The following EML6 variants were observed in gnomAD, a reference collection of about 807,000 sequenced individuals.
The protein encoded by EML6 is EMAP like 6, also known as echinoderm microtubule-associated protein-like 6.
Under a neutral mutation model 240.1 loss-of-function variants are expected in EML6, and 154 were observed. The observed-to-expected ratio is 0.64, with a 90% CI of 0.56 to 0.73. The LOEUF is 0.73. EML6 is among the 30% of genes least tolerant of loss of function. The probability of loss-of-function intolerance (pLI) is 0.00; values close to 1 mark genes in which losing one functional copy is unlikely to be tolerated. For synonymous variants in EML6, 1,148 were observed against 899.0 expected (o/e 1.28, Z -4.95); for missense variants, 2,964 against 2,474.6 (o/e 1.20, Z -4.20).
chr2:54,968,355 G>C (rs1045700285), intron 40 of EML6, 74 bp downstream of exon 40: 1 of 1,368,460 alleles, frequency 7.3e-7, no homozygotes, highest in Non-Finnish European at 1.0e-6. Flanking sequence ...GCCACGTCTA[G>C]ATGGCCCTCT....
intron 7 of EML6, among the ~76,000 whole-genome samples, chr2:54,835,942 T>A (rs79981126): frequency 6.6e-6 from 1 of 152,140 alleles, no homozygotes; most frequent in Non-Finnish European, 1.5e-5. Flanking sequence ...CACCCTTGTT[T>A]ACGATAGAAG....
intron 2 of EML6, among the ~76,000 whole-genome samples, chr2:54,797,516 TCA>T (rs1165170533): frequency 3.3e-5 from 5 of 152,084 alleles, no homozygotes; most frequent in African/African-American, 4.8e-5. Context: ...ATAAAGCGAG[TCA>T]CACAAATATT....
At position 54,879,191 on chromosome 2, in the gene EML6, T is replaced by A. The variant is rs141489138; in HGVS notation, c.2345-356T>A. 4.9e-3 allele frequency among the ~76,000 whole-genome samples: 745 copies of A among 152,344 alleles called. 3 individuals are homozygous for A. The highest frequency in any genetic ancestry group is 0.014 in the South Asian group (67 of 4,820). On this transcript the variant is annotated intron_variant, in intron 16 of 41. Coordinates refer to ENST00000356458, the MANE Select transcript of EML6 (RefSeq NM_001039753.4). Reference sequence around the variant, plus strand: ...ACAAAATAGACATAGTTTTTGTAGCTTACCTGAGAGTCTCCCTCTAGCTCT... The same window carrying A: ...ACAAAATAGACATAGTTTTTGTAGCATACCTGAGAGTCTCCCTCTAGCTCT...
At chr2:54,879,262 T>C (rs1349645081) in intron 16 of EML6, among the ~76,000 whole-genome samples, 1 of 152,274 alleles carries the variant, frequency 6.6e-6, no homozygotes, top group Non-Finnish European at 1.5e-5. Context: ...CAGCCCGTTA[T>C]GCATTAGGAA....
In EML6 at chr2:54,813,236, G is replaced by C. The variant is rs1366088685; in HGVS notation, c.202G>C (p.Ala68Pro). 1 of 1,547,910 alleles carries C rather than the reference G, an allele frequency of 6.5e-7. No individual in the cohort carries two copies. Among genetic ancestry groups the C allele is most frequent in the South Asian group, 1.2e-5 (1 of 83,310 alleles). ...AAGAAACCTTTTCTCTTTCAGCCTT[G>C]CCTTACACCCAGACAAAACTCTCGT... Reference protein sequence around the residue: ...LGHNDDIISLALHPDKTLVAT... With the variant: ...LGHNDDIISLPLHPDKTLVAT... Residue 68 changes from alanine (A) to proline (P), a missense_variant, in exon 3 of 42, where the codon GCC (alanine) becomes CCC (proline). By Grantham distance (27) the Ala-to-Pro change is conservative. Coordinates refer to ENST00000356458, the MANE Select transcript of EML6 (RefSeq NM_001039753.4).
intron 2 of EML6, among the ~76,000 whole-genome samples, chr2:54,740,096 C>T (rs1291963321): frequency 6.6e-6 from 1 of 151,998 alleles, no homozygotes; most frequent in African/African-American, 2.4e-5. Flanking sequence ...CAGCTTTGAA[C>T]ATATTTAGAT....
chr2:54,797,611 A>G (rs1669892585), intron 2 of EML6, among the ~76,000 whole-genome samples: 1 of 120,412 alleles, frequency 8.3e-6, no homozygotes, highest in Admixed American at 8.7e-5. Context: ...AACATGTAGA[A>G]AACTTCTTTA....
Position 54,731,740 on chromosome 2 carries a change from A to G in EML6, c.197+6482A>G, listed in dbSNP as rs534681927. The stretch of plus-strand genomic sequence containing the variant: ...TATAAAGAATTGTATCAGTCCCACC[A>G]ACCCCATCAATCAGTCATTTGGATG... On this transcript the variant is annotated intron_variant, in intron 2 of 41. Transcript: ENST00000356458. 5.9e-5 allele frequency among the ~76,000 whole-genome samples: 9 copies of G among 152,322 alleles called. No individual in the cohort carries two copies. The South Asian group carries it at 1.5e-3, about 25-fold the overall frequency.
chr2:54,842,908 T>C (rs1183454027), intron 7 of EML6, among the ~76,000 whole-genome samples: 2 of 152,230 alleles, frequency 1.3e-5, no homozygotes, highest in African/African-American at 4.8e-5. Context: ...TTTTCACTGA[T>C]AAATGTTTGA....
chr2:54,961,361 T>A lies in EML6; in HGVS notation c.4968+1027T>A, dbSNP rs1676505431. ...CACCATGCCCAGCTAATTTTTTGTA[T>A]TTTTAGTAGAGATGGGGTTTTCCCA... On this transcript the variant is annotated intron_variant, in intron 35 of 41. Coordinates refer to ENST00000356458, the MANE Select transcript of EML6 (RefSeq NM_001039753.4). Among the ~76,000 whole-genome samples the A allele has an allele frequency of 3.3e-5, 5 of 151,292 alleles. No homozygotes were observed. In the South Asian group the frequency reaches 1.1e-3, roughly 32 times the overall value.
At chr2:54,911,368 A>G (rs758528259) in intron 25 of EML6, among the ~76,000 whole-genome samples, 4 of 151,878 alleles carry the variant, frequency 2.6e-5, no homozygotes, top group Non-Finnish European at 5.9e-5. Context: ...ATGAACATAT[A>G]TTTTGAAACA....
At chr2:54,767,565 C>T (rs570295013) in intron 2 of EML6, among the ~76,000 whole-genome samples, 1 of 150,806 alleles carries the variant, frequency 6.6e-6, no homozygotes, top group Admixed American at 6.6e-5. Flanking sequence ...AGTAGCCTGC[C>T]TGGACCTATA....
At chr2:54,907,629 A>G (rs1448976718) in intron 24 of EML6, among the ~76,000 whole-genome samples, 1 of 152,134 alleles carries the variant, frequency 6.6e-6, no homozygotes, top group Non-Finnish European at 1.5e-5. Flanking sequence ...TAACTTGTAA[A>G]TTATATAGCA....
intron 17 of EML6, among the ~76,000 whole-genome samples, chr2:54,887,902 C>G (rs1672239977): frequency 6.6e-6 from 1 of 152,194 alleles, no homozygotes; most frequent in Non-Finnish European, 1.5e-5. Context: ...AATTCATGAA[C>G]CTACCTTGAC....
At chr2:54,831,811 G>A (rs1668884134) in intron 7 of EML6, among the ~76,000 whole-genome samples, 5 of 151,994 alleles carry the variant, frequency 3.3e-5, no homozygotes, top group Admixed American at 3.3e-4. Context: ...CTGGGATGGA[G>A]CTCCTGGGAG....
At chr2:54,730,316 G>A (rs948527478) in intron 2 of EML6, among the ~76,000 whole-genome samples, 1 of 152,208 alleles carries the variant, frequency 6.6e-6, no homozygotes, top group African/African-American at 2.4e-5. Context: ...GATTTGAAGA[G>A]ACAGGTCTAA....
chr2:54,794,704 G>T (rs1267097143), intron 2 of EML6, among the ~76,000 whole-genome samples: 3 of 152,282 alleles, frequency 2.0e-5, no homozygotes, highest in South Asian at 2.1e-4. Flanking sequence ...TGCACTCAGG[G>T]ATTAACTTTA....
chr2:54,800,013 G>C (rs1448903181), intron 2 of EML6, among the ~76,000 whole-genome samples: 1 of 152,108 alleles, frequency 6.6e-6, no homozygotes, highest in Non-Finnish European at 1.5e-5. Flanking sequence ...TGAGAGGCTT[G>C]AGGCAGGTGG....
intron 2 of EML6, among the ~76,000 whole-genome samples, chr2:54,728,676 G>A (rs1683017398): frequency 6.6e-6 from 1 of 152,128 alleles, no homozygotes; most frequent in African/African-American, 2.4e-5. Context: ...TTAGTGTGGG[G>A]CCTGGCCCTT....
Sources: allele counts gnomAD v4.1 joint callset (sites outside exome capture counted in the v4.1 genomes callset), GRCh38; gene constraint gnomAD v4.1.1; transcripts MANE v1.5; gene names NCBI Gene and HGNC (gene_info 2026-07-23, HGNC 2026-07-21).